The following IQGAP1 variants were observed in gnomAD, a reference collection of about 807,000 sequenced individuals.
IQGAP1 encodes ras GTPase-activating-like protein IQGAP1.
IQGAP1 carries 66 observed loss-of-function variants against 215.6 expected under a neutral mutation model. The ratio of observed to expected loss-of-function variants is 0.31; its 90% CI spans 0.25 to 0.38. The LOEUF (loss-of-function observed/expected upper bound fraction) is 0.38, where lower values mean the gene tolerates loss of function less well. Ranked by LOEUF, IQGAP1 falls within the 10% of genes least tolerant of loss-of-function variation. The pLI, the probability that IQGAP1 is intolerant of heterozygous loss-of-function variation, is 1.00. For synonymous variants in IQGAP1, 772 were observed against 728.7 expected (o/e 1.06, Z -0.96); for missense variants, 1,712 against 1,997.1 (o/e 0.86, Z 2.72).
intron 2 of IQGAP1, among the ~76,000 whole-genome samples, chr15:90,410,478 C>T (rs1964944358): frequency 6.6e-6 from 1 of 152,102 alleles, no homozygotes; most frequent in Non-Finnish European, 1.5e-5. Context: ...AAATGTGGCA[C>T]ATATACACCA....
intron 33 of IQGAP1, among the ~76,000 whole-genome samples, chr15:90,489,726 A>G (rs1966177278): frequency 1.3e-5 from 2 of 152,200 alleles, no homozygotes; most frequent in South Asian, 4.1e-4. Context: ...TACTGATTAG[A>G]TATGTGTGAA....
intron 17 of IQGAP1, 22 bp downstream of exon 17, chr15:90,466,458 A>G (rs780912932): frequency 5.0e-6 from 8 of 1,612,594 alleles, no homozygotes; most frequent in East Asian, 2.2e-5. Context: ...GATAATACAT[A>G]TGTGCCCTGA....
At chr15:90,453,651 T>A (rs553251003) in intron 13 of IQGAP1, among the ~76,000 whole-genome samples, 1 of 152,374 alleles carries the variant, frequency 6.6e-6, no homozygotes, top group African/African-American at 2.4e-5. Flanking sequence ...GGAACATGTA[T>A]TATATCTGGC....
At chr15:90,471,609 C>G (rs943414285) in intron 18 of IQGAP1, among the ~76,000 whole-genome samples, 5 of 151,962 alleles carry the variant, frequency 3.3e-5, no homozygotes, top group African/African-American at 4.8e-5. Context: ...AAGCGATTCT[C>G]CTGCCTCAGC....
In IQGAP1 at chr15:90,453,303, A is replaced by G. The variant is rs183941689; in HGVS notation, c.1487+11A>G. On this transcript the variant is annotated intron_variant, in intron 13 of 37. Transcript: ENST00000268182. ...AGAAAACTGTCAGAGGTGGGTGTCC[A>G]GAGTGAAGGGAATAAATCCATTACG... 2.7e-5 allele frequency: 44 copies of G among 1,603,790 alleles called. No individual in the cohort carries two copies. In the East Asian group the frequency reaches 9.4e-4, roughly 34 times the overall value.
intron 30 of IQGAP1, among the ~76,000 whole-genome samples, chr15:90,484,782 T>A (rs568305997): frequency 6.6e-6 from 1 of 152,226 alleles, no homozygotes; most frequent in South Asian, 2.1e-4. Flanking sequence ...GTGCTGGGAT[T>A]ACAGGCGTGA....
At chr15:90,467,372 A>T in intron 17 of IQGAP1, 78 bp from the exon 18 acceptor site, 3 of 1,418,466 alleles carry the variant, frequency 2.1e-6, no homozygotes, top group Non-Finnish European at 2.9e-6. Context: ...GAGACTAACT[A>T]ATAATCCTGC....
chr15:90,468,770 G>A (rs1394390544), intron 18 of IQGAP1, among the ~76,000 whole-genome samples: 2 of 152,084 alleles, frequency 1.3e-5, no homozygotes, highest in African/African-American at 2.4e-5. Flanking sequence ...GGTCAAGGCT[G>A]TAACGAGCCA....
At chr15:90,395,351 C>T (rs1028954225) in intron 2 of IQGAP1, among the ~76,000 whole-genome samples, 5 of 151,374 alleles carry the variant, frequency 3.3e-5, no homozygotes, top group Admixed American at 6.6e-5. Flanking sequence ...AACGGAGTCT[C>T]GCTCTGTCGC....
At chr15:90,422,425 T>A (rs1480079464) in intron 2 of IQGAP1, among the ~76,000 whole-genome samples, 3 of 151,926 alleles carry the variant, frequency 2.0e-5, no homozygotes, top group Non-Finnish European at 4.4e-5. Context: ...AAGAACACCG[T>A]GCACAAAGAT....
intron 6 of IQGAP1, 50 bp downstream of exon 6, chr15:90,439,449 C>T (rs917304440): frequency 1.1e-5 from 16 of 1,480,322 alleles, no homozygotes; most frequent in Non-Finnish European, 1.5e-5. Context: ...GTGGAAATAG[C>T]CTGGAGAGCC....
In IQGAP1 at chr15:90,448,706, G is replaced by A. The variant is rs369455754; in HGVS notation, c.1047G>A (p.Gln349=). The A allele has an allele frequency of 1.7e-5, 28 of 1,604,890 alleles. No individual in the cohort carries two copies. The African/African-American group carries it at 3.6e-4, about 21-fold the overall frequency. The change falls in exon 10 of 38, where the codon CAG becomes CAA. Residue 349 remains glutamine (Q), a synonymous_variant. Transcript: ENST00000268182. The part of the protein sequence containing the change: ...QQQNSDWYLK[Q]LLSDKQQKRQ... ...AGAATAGCGACTGGTACTTGAAGCA[G>A]CTCCTGAGTGATAAACAGCAGAAGA... is the stretch of plus-strand genomic sequence containing the variant.
intron 2 of IQGAP1, among the ~76,000 whole-genome samples, chr15:90,425,303 T>A (rs1965205381): frequency 6.6e-6 from 1 of 151,970 alleles, no homozygotes; most frequent in Admixed American, 6.6e-5. Flanking sequence ...GAGTGAGACT[T>A]TGTCTCAAAA....
chr15:90,496,817 C>T (rs1391700174), intron 36 of IQGAP1: 1 of 154,408 alleles, frequency 6.5e-6, no homozygotes, highest in African/African-American at 2.4e-5. Flanking sequence ...TGTTTATTTA[C>T]TTCTCCCAGT....
At position 90,482,292 on chromosome 15, in the gene IQGAP1, C is replaced by T. The variant is rs1694318355; in HGVS notation, c.3555+11C>T. 6.2e-7 allele frequency: 1 copy of T among 1,613,580 alleles called. No homozygotes were observed. Among genetic ancestry groups the T allele is most frequent in the Non-Finnish European group, 8.5e-7 (1 of 1,179,488 alleles). On this transcript the variant is annotated intron_variant, in intron 28 of 37. Transcript: ENST00000268182. Reference sequence around the variant, plus strand: ...GATGAGCTGCTGAAGGTAAGAATCTCATAGCCGGCAGACTCCTGCCCTTTG... The same window carrying T: ...GATGAGCTGCTGAAGGTAAGAATCTTATAGCCGGCAGACTCCTGCCCTTTG...
At position 90,388,285 on chromosome 15, in the gene IQGAP1, C is replaced by T; in HGVS notation, c.-57C>T. On this transcript the variant is annotated 5_prime_UTR_variant, in exon 1 of 38. Transcript: ENST00000268182. ...CACTTGGCAGGAGCTGTAGCTACCG[C>T]CGTCCGCGCCTCCAAGGTTTCACGG... is the stretch of plus-strand genomic sequence containing the variant. The T allele has an allele frequency of 7.0e-6, 11 of 1,579,862 alleles. No homozygotes were observed. Among genetic ancestry groups the T allele is most frequent in the Non-Finnish European group, 9.5e-6 (11 of 1,161,292 alleles).
intron 9 of IQGAP1, among the ~76,000 whole-genome samples, chr15:90,444,457 A>T (rs1596269375): frequency 6.6e-6 from 1 of 151,860 alleles, no homozygotes; most frequent in Non-Finnish European, 1.5e-5. Context: ...GATTTTTAAA[A>T]TTTTTTTGAA....
chr15:90,405,450 C>A (rs1964864408), intron 2 of IQGAP1, among the ~76,000 whole-genome samples: 1 of 152,148 alleles, frequency 6.6e-6, no homozygotes, highest in Admixed American at 6.5e-5. Flanking sequence ...ACTAGACTTG[C>A]CAAACTAACA....
At chr15:90,450,787 A>C (rs1317052958) in intron 11 of IQGAP1, among the ~76,000 whole-genome samples, 1 of 150,352 alleles carries the variant, frequency 6.7e-6, no homozygotes, top group Non-Finnish European at 1.5e-5. Flanking sequence ...CCCATGTAAA[A>C]ATTGGATTAT....
Sources: allele counts gnomAD v4.1 joint callset (sites outside exome capture counted in the v4.1 genomes callset), GRCh38; gene constraint gnomAD v4.1.1; transcripts MANE v1.5; gene names NCBI Gene and HGNC (gene_info 2026-07-23, HGNC 2026-07-21).